EMB: variants seen among roughly 807,000 people sequenced by gnomAD.
EMB encodes the protein embigin.
EMB carries 31 observed loss-of-function variants against 41.4 expected under a neutral mutation model. That is an observed-to-expected ratio of 0.75 (90% CI 0.56 to 1.01). EMB has a LOEUF of 1.01. Ranked by LOEUF, EMB falls within the 50% of genes least tolerant of loss-of-function variation. The pLI is 0.00. For synonymous variants in EMB, 137 were observed against 140.4 expected, an observed-to-expected ratio of 0.98 and a Z score of 0.17; for missense variants, 379 against 388.3, an observed-to-expected ratio of 0.98 and a Z score of 0.20.
At chr5:50,425,094 G>A (rs1242713967) in intron 2 of EMB, among the ~76,000 whole-genome samples, 1 of 152,042 alleles carries the variant, frequency 6.6e-6, no homozygotes, top group East Asian at 1.9e-4. Flanking sequence ...AATCTTTTCT[G>A]CAATAAAGTA....
chr5:50,426,649 A>AAATAATAAGTAACAACATAG (rs1283847358), intron 2 of EMB, among the ~76,000 whole-genome samples: 1 of 152,202 alleles, frequency 6.6e-6, no homozygotes, highest in African/African-American at 2.4e-5. Context: ...GGGAAAGAGA[A>AAATAATAAGTAACAACATAG]AATAATAAGT....
intron 2 of EMB, among the ~76,000 whole-genome samples, chr5:50,413,926 C>T (rs1195400449): frequency 1.3e-5 from 2 of 152,060 alleles, no homozygotes; most frequent in East Asian, 3.9e-4. Context: ...ACGTCAGGTG[C>T]TATGTTTGGG....
rs1162407206 is a variant in EMB at position 50,429,982 on chromosome 5, C to T, written c.113-1755G>A. Among the ~76,000 whole-genome samples, 59 of 89,156 alleles carry T rather than the reference C, an allele frequency of 6.6e-4. 1 individual carries two copies. Among genetic ancestry groups the T allele is most frequent in the Admixed American group, 1.1e-3 (10 of 9,162 alleles). 58.5% of individuals were successfully genotyped at this position (89,156 alleles called of 152,430 possible). A position where few individuals can be genotyped will look rare whatever the true frequency, so the allele number is the denominator to read the frequency against. ...CCCAACTCTCTTTCTCTCTCTCTCTCTCTCTCTCTCTCTCTCTCTCTCTCA... is the reference window on the plus strand; with the variant it reads ...CCCAACTCTCTTTCTCTCTCTCTCTTTCTCTCTCTCTCTCTCTCTCTCTCA... On this transcript the variant is annotated intron_variant, in intron 1 of 8. Coordinates refer to ENST00000303221, the MANE Select transcript of EMB (RefSeq NM_198449.3).
At chr5:50,407,751 G>T (rs536205950) in intron 4 of EMB, among the ~76,000 whole-genome samples, 1 of 151,990 alleles carries the variant, frequency 6.6e-6, no homozygotes, top group South Asian at 2.1e-4. Context: ...GTGCCCTGTC[G>T]ACCTTTTAAG....
At chr5:50,405,610 A>G in intron 5 of EMB, 115 bp downstream of exon 5, 1 of 1,388,408 alleles carries the variant, frequency 7.2e-7, no homozygotes, top group Non-Finnish European at 9.5e-7. Context: ...GCTAAACAAC[A>G]AGATAACAAA....
Position 50,422,934 on chromosome 5 carries a change from A to G in EMB, c.196+5210T>C, listed in dbSNP as rs1031678303. On this transcript the variant is annotated intron_variant, in intron 2 of 8. Coordinates refer to ENST00000303221, the MANE Select transcript of EMB (RefSeq NM_198449.3). ...GCATAATTTCTAACTGAGCAACTCT[A>G]CTTTGTGGTATTTATCCTAGAGAAA... Among the ~76,000 whole-genome samples, 15 of 152,182 alleles carry G rather than the reference A, an allele frequency of 9.9e-5. 1 individual carries two copies. Among genetic ancestry groups the G allele is most frequent in the African/African-American group, 3.6e-4 (15 of 41,452 alleles).
intron 2 of EMB, 72 bp from the exon 3 acceptor site, chr5:50,411,455 T>C (rs1745337269): frequency 1.0e-6 from 1 of 1,001,612 alleles, no homozygotes; most frequent in African/African-American, 1.6e-5. Flanking sequence ...CCTTTTATAT[T>C]ATTAACAGCA....
In EMB at chr5:50,397,658, C is replaced by T. The variant is rs1745091577; in HGVS notation, c.*1615G>A. The T allele has an allele frequency of 6.6e-6, 1 of 151,970 alleles. No individual in the cohort carries two copies. Among genetic ancestry groups the T allele is most frequent in the African/African-American group, 2.4e-5 (1 of 41,390 alleles). The allele number at this position is 151,970 out of a possible 1,614,324, so 9.4% of individuals were successfully genotyped here. On this transcript the variant is annotated 3_prime_UTR_variant, in exon 9 of 9. Transcript: ENST00000303221. ...ATTAAGCTAACTGATTGGTTATCTA[C>T]CATTATATAGATATTACCCAAGTAA...
rs1554025584 is a variant in EMB, at chr5:50,430,005, T to TCTCTCA, written c.113-1779_113-1778insTGAGAG. Among the ~76,000 whole-genome samples the TCTCTCA allele has an allele frequency of 1.1e-4, 16 of 140,592 alleles. No individual in the cohort carries two copies. The South Asian group carries it at 1.6e-3, about 14-fold the overall frequency. The allele number at this position is 140,592 out of a possible 152,430, so 92.2% of individuals were successfully genotyped here. On this transcript the variant is annotated intron_variant, in intron 1 of 8. Coordinates refer to ENST00000303221, the MANE Select transcript of EMB (RefSeq NM_198449.3). ...CTCTCTCTCTCTCTCTCTCTCTCTC[T>TCTCTCA]CACACACACACACACACACAAACAC...
intron 1 of EMB, among the ~76,000 whole-genome samples, chr5:50,440,267 C>T (rs1332145025): frequency 6.6e-6 from 1 of 152,130 alleles, no homozygotes; most frequent in Non-Finnish European, 1.5e-5. Flanking sequence ...GGTGAGGTGG[C>T]TCACGCCTGT....
At chr5:50,424,357 G>C (rs1812936) in intron 2 of EMB, among the ~76,000 whole-genome samples, 49,079 of 151,954 alleles carry the variant, frequency 0.32, 8,225 homozygotes, top group East Asian at 0.45. Context: ...CAAAAATACA[G>C]TAAATACATA....
intron 4 of EMB, 59 bp downstream of exon 4, chr5:50,410,818 A>G (rs769502457): frequency 1.0e-4 from 107 of 1,036,950 alleles, no homozygotes; most frequent in Non-Finnish European, 1.4e-4. Flanking sequence ...TACAGGATTG[A>G]GAAATCTAAG....
chr5:50,423,749 T>C (rs542165589), intron 2 of EMB, among the ~76,000 whole-genome samples: 5 of 152,296 alleles, frequency 3.3e-5, no homozygotes, highest in South Asian at 2.1e-4. Flanking sequence ...ATGCAGGTAA[T>C]GTAAATTTGC....
intron 1 of EMB, among the ~76,000 whole-genome samples, chr5:50,430,723 G>A (rs1393319608): frequency 6.6e-6 from 1 of 152,078 alleles, no homozygotes; most frequent in Non-Finnish European, 1.5e-5. Context: ...ACTATAGCCA[G>A]TATATTTTAT....
At chr5:50,428,308 C>A in intron 1 of EMB, 81 bp from the exon 2 acceptor site, 1 of 1,334,886 alleles carries the variant, frequency 7.5e-7, no homozygotes, top group South Asian at 1.3e-5. Context: ...ACAGCTAAAA[C>A]ACTGTTGTGA....
rs933855935 is a variant in EMB at position 50,437,910 on chromosome 5, T to A, written c.112+3130A>T. ...TCATGTAATAGTAATAATAATGATA[T>A]TTAAATACTCCCACTGATATATCCT... On this transcript the variant is annotated intron_variant, in intron 1 of 8. Transcript: ENST00000303221. Among the ~76,000 whole-genome samples the A allele has an allele frequency of 2.0e-5, 3 of 152,218 alleles. No individual in the cohort carries two copies. In the East Asian group the frequency reaches 5.8e-4, roughly 29 times the overall value.
intron 2 of EMB, among the ~76,000 whole-genome samples, chr5:50,420,381 GT>G (rs1482607270): frequency 5.9e-5 from 9 of 152,114 alleles, no homozygotes; most frequent in East Asian, 1.9e-4. Flanking sequence ...TCTTACAATG[GT>G]TTATGTCTCA....
chr5:50,439,708 G>A lies in EMB; in HGVS notation c.112+1332C>T, dbSNP rs184131431. Among the ~76,000 whole-genome samples, 3 of 152,034 alleles carry A rather than the reference G, an allele frequency of 2.0e-5. No homozygotes were observed. In the South Asian group the frequency reaches 6.2e-4, roughly 31 times the overall value. ...CTGTCCAAGTTGTTAACAACTAGAC[G>A]TTTTAAAAGGCATTTATAAAAATTA... On this transcript the variant is annotated intron_variant, in intron 1 of 8. Transcript: ENST00000303221.
Position 50,441,122 on chromosome 5 carries a change from G to A in EMB, c.30C>T (p.Ala10=). ...GGAGCAGCCGGGGCGTACGCGCCCT[G>A]GCCTCCAGCAGGCCGGGGAGGGCGC... MRALPGLLE[A]RARTPRLLLL... is the part of the protein sequence containing the mutation. The change falls in exon 1 of 9, where the codon GCC becomes GCT. Residue 10 remains alanine (A), a synonymous_variant. Transcript: ENST00000303221. 1 of 1,510,984 alleles carries A rather than the reference G, an allele frequency of 6.6e-7. No homozygotes were observed. Among genetic ancestry groups the A allele is most frequent in the Non-Finnish European group, 8.8e-7 (1 of 1,133,620 alleles). The allele number at this position is 1,510,984 out of a possible 1,614,324, so 93.6% of individuals were successfully genotyped here.
Sources: gnomAD v4.1 joint callset for allele counts (sites outside exome capture counted in the v4.1 genomes callset) on GRCh38, gnomAD v4.1.1 for gene constraint, MANE v1.5 for transcripts, NCBI Gene and HGNC (gene_info 2026-07-23, HGNC 2026-07-21) for gene names.